Variants in BRI3 observed in about 807,000 individuals in gnomAD.
The protein encoded by BRI3 is membrane protein BRI3.
A neutral mutation model predicts 12.8 loss-of-function variants in BRI3; 6 were observed. The observed-to-expected ratio is 0.47, with a 90% confidence interval of 0.26 to 0.93. The LOEUF is 0.93. Ranked by LOEUF, BRI3 falls within the 40% of genes least tolerant of loss-of-function variation. The probability of loss-of-function intolerance (pLI) is 0.15; values close to 1 mark genes in which losing one functional copy is unlikely to be tolerated. For synonymous variants in BRI3, 91 were observed against 76.1 expected, an observed-to-expected ratio of 1.20 and a Z score of -1.02; for missense variants, 134 against 171.1, an observed-to-expected ratio of 0.78 and a Z score of 1.21.
downstream of BRI3, chr7:98,293,577 T>G (rs1450420227): frequency 6.2e-7 from 1 of 1,613,694 alleles, no homozygotes; most frequent in Non-Finnish European, 8.5e-7. Context: ...AGTTTCACAG[T>G]GGCAAAGGGG....
At chr7:98,290,345 G>A (rs530296045) in intron 2 of BRI3, among the ~76,000 whole-genome samples, 8 of 151,788 alleles carry the variant, frequency 5.3e-5, no homozygotes, top group Non-Finnish European at 1.0e-4. Context: ...ACAGGCGCCC[G>A]CCACCGCGCC....
At position 98,291,271 on chromosome 7, in the gene BRI3, A is replaced by G. The variant is rs771124369; in HGVS notation, c.*28A>G. The G allele has an allele frequency of 6.2e-7, 1 of 1,611,388 alleles. No individual in the cohort carries two copies. Among genetic ancestry groups the G allele is most frequent in the Admixed American group, 1.7e-5 (1 of 59,894 alleles). On this transcript the variant is annotated 3_prime_UTR_variant, in exon 3 of 3. Coordinates refer to ENST00000297290, the MANE Select transcript of BRI3 (RefSeq NM_015379.5). Reference sequence around the variant, plus strand: ...GGAACACCAGGCCCGGCTTTCCTACACCCAGCTCTCTTTTTCTAATGTAAA... The same window carrying G: ...GGAACACCAGGCCCGGCTTTCCTACGCCCAGCTCTCTTTTTCTAATGTAAA...
chr7:98,303,349 G>A (rs1460589981), upstream of BRI3, among the ~76,000 whole-genome samples: 3 of 152,108 alleles, frequency 2.0e-5, no homozygotes, highest in African/African-American at 4.8e-5. Flanking sequence ...CTCCTGGAGC[G>A]AGGGGTGCAG....
chr7:98,290,384 A>G (rs1380786363), intron 2 of BRI3, among the ~76,000 whole-genome samples: 1 of 150,252 alleles, frequency 6.7e-6, no homozygotes, highest in Admixed American at 6.6e-5. Context: ...TTTAGTAGAG[A>G]CGGGGTTTCA....
chr7:98,310,666 T>C (rs1401538002), downstream of BRI3: 2 of 1,227,934 alleles, frequency 1.6e-6, no homozygotes, highest in African/African-American at 1.6e-5. Flanking sequence ...CAAGGCTGTT[T>C]TTTTTTTTTA....
At chr7:98,288,768 A>G (rs572603285) in intron 2 of BRI3, among the ~76,000 whole-genome samples, 1 of 142,622 alleles carries the variant, frequency 7.0e-6, no homozygotes, top group Middle Eastern at 3.6e-3. Flanking sequence ...GTGTCTGGCT[A>G]ATTTTAAATT....
exon 2 of BRI3, chr7:98,307,665 G>A (rs374666080): frequency 7.4e-6 from 12 of 1,612,428 alleles, no homozygotes; most frequent in Admixed American, 1.7e-5. Flanking sequence ...GGTGCCCTGC[G>A]GGGACCATCA....
chr7:98,296,370 A>G (rs894457080), downstream of BRI3, among the ~76,000 whole-genome samples: 1 of 152,226 alleles, frequency 6.6e-6, no homozygotes, highest in Admixed American at 6.5e-5. Context: ...TCATGCCTGT[A>G]ATCCCAGCAC....
At chr7:98,295,324 C>T (rs1800146822), downstream of BRI3, among the ~76,000 whole-genome samples, 1 of 152,138 alleles carries the variant, frequency 6.6e-6, no homozygotes, top group Admixed American at 6.5e-5. Context: ...GGCAGGGCAT[C>T]TGGGGCCAAT....
intron 2 of BRI3, among the ~76,000 whole-genome samples, 153 bp from the exon 3 acceptor site, chr7:98,290,958 T>TGGTGG (rs1380490130): frequency 6.7e-6 from 1 of 148,528 alleles, no homozygotes; most frequent in African/African-American, 2.5e-5. Flanking sequence ...TGTAGCTGGG[T>TGGTGG]GGTGGGGTGG....
intron 1 of BRI3, chr7:98,306,740 C>T (rs1800672779): frequency 1.7e-6 from 1 of 595,300 alleles, no homozygotes; most frequent in Non-Finnish European, 2.8e-6. Context: ...CAGGGTCTCG[C>T]TCTGTTGCCC....
chr7:98,292,061 G>GC (rs1291527200), downstream of BRI3: 1 of 153,498 alleles, frequency 6.5e-6, no homozygotes, highest in Non-Finnish European at 1.4e-5. Flanking sequence ...TGGTGGGGGT[G>GC]CCTGGTTTGT....
chr7:98,282,023 C>A (rs933650900), intron 1 of BRI3, 86 bp downstream of exon 1: 30 of 1,304,570 alleles, frequency 2.3e-5, no homozygotes, highest in Non-Finnish European at 2.7e-5. Context: ...CGGGTGGGGC[C>A]CGCCCGGGGG....
downstream of BRI3, chr7:98,312,007 A>G: frequency 3.1e-6 from 4 of 1,295,654 alleles, no homozygotes; most frequent in South Asian, 4.4e-5. Flanking sequence ...ATAAAGGGGG[A>G]CCTGTGATTC....
chr7:98,293,992 T>G (rs535654668), downstream of BRI3: 971 of 1,475,786 alleles, frequency 6.6e-4, 8 homozygotes, highest in Middle Eastern at 4.1e-3. Context: ...CCCCCTGGGC[T>G]GGGCACCGAA....
At chr7:98,306,463 T>G, upstream of BRI3, 1 of 1,614,140 alleles carries the variant, frequency 6.2e-7, no homozygotes, top group Non-Finnish European at 8.5e-7. Context: ...GGTCACTGCT[T>G]CTGTCTCATT....
At chr7:98,314,722 C>T (rs910264480), downstream of BRI3, among the ~76,000 whole-genome samples, 9 of 152,082 alleles carry the variant, frequency 5.9e-5, no homozygotes, top group Admixed American at 3.9e-4. Flanking sequence ...CAGAGCTGCC[C>T]GTGACCCCCG....
chr7:98,314,490 C>T (rs930364440), downstream of BRI3, among the ~76,000 whole-genome samples: 3 of 151,956 alleles, frequency 2.0e-5, no homozygotes, highest in African/African-American at 7.3e-5. Context: ...TGGATGTTTA[C>T]AAAGGCCCAA....
chr7:98,290,160 A>G (rs1799857199), intron 2 of BRI3, among the ~76,000 whole-genome samples: 1 of 150,236 alleles, frequency 6.7e-6, no homozygotes, highest in South Asian at 2.1e-4. Context: ...TGGCACCAAA[A>G]TGATCATGCC....
Sources: gnomAD v4.1 joint callset for allele counts (sites outside exome capture counted in the v4.1 genomes callset) on GRCh38, gnomAD v4.1.1 for gene constraint, MANE v1.5 for transcripts, NCBI Gene and HGNC (gene_info 2026-07-23, HGNC 2026-07-21) for gene names.